The following SPTBN1 variants were observed in gnomAD, a reference collection of about 807,000 sequenced individuals.
SPTBN1 encodes the protein spectrin beta chain, non-erythrocytic 1.
In SPTBN1, 32 loss-of-function variants were observed where a neutral mutation model predicts 266.4. The ratio of observed to expected loss-of-function variants is 0.12; its 90% CI spans 0.09 to 0.16. The LOEUF is 0.16. Ranked by LOEUF, SPTBN1 falls within the 10% of genes least tolerant of loss-of-function variation. The pLI is 1.00. For synonymous variants in SPTBN1, 1,336 were observed against 1,162.2 expected (o/e 1.15, Z -3.04); for missense variants, 2,296 against 3,067.1 (o/e 0.75, Z 5.94).
At chr2:54,584,368 ATCT>A (rs1199857690) in intron 2 of SPTBN1, among the ~76,000 whole-genome samples, 1 of 152,216 alleles carries the variant, frequency 6.6e-6, no homozygotes, top group African/African-American at 2.4e-5. Flanking sequence ...CATTCTGTAC[ATCT>A]TCGTTTTCTT....
chr2:54,595,216 G>C (rs1280447336), intron 2 of SPTBN1, among the ~76,000 whole-genome samples: 1 of 152,120 alleles, frequency 6.6e-6, no homozygotes, highest in Non-Finnish European at 1.5e-5. Context: ...CAACACTCTG[G>C]GCACTTTGAT....
chr2:54,636,503 C>T (rs987317133), intron 17 of SPTBN1, among the ~76,000 whole-genome samples: 2 of 152,164 alleles, frequency 1.3e-5, no homozygotes, highest in Non-Finnish European at 2.9e-5. Context: ...GCATTGTCAG[C>T]AGCCACTGAG....
intron 30 of SPTBN1, 81 bp from the exon 31 acceptor site, chr2:54,659,073 G>A (rs1680863954): frequency 4.1e-6 from 6 of 1,463,940 alleles, no homozygotes; most frequent in Non-Finnish European, 4.8e-6. Context: ...TAGACAGGAG[G>A]ACTTCCTGGG....
At chr2:54,643,820 T>C (rs1376955544) in intron 19 of SPTBN1, among the ~76,000 whole-genome samples, 1 of 152,034 alleles carries the variant, frequency 6.6e-6, no homozygotes, top group Admixed American at 6.6e-5. Flanking sequence ...CCCATCTCTA[T>C]GAAGCATACA....
chr2:54,478,598 A>T (rs1346535471), intron 1 of SPTBN1, among the ~76,000 whole-genome samples: 1 of 152,194 alleles, frequency 6.6e-6, no homozygotes, highest in African/African-American at 2.4e-5. Flanking sequence ...TTCACACAAG[A>T]GTAAGGGCTG....
chr2:54,563,980 G>A (rs1213838491), intron 2 of SPTBN1, among the ~76,000 whole-genome samples: 2 of 152,104 alleles, frequency 1.3e-5, no homozygotes, highest in African/African-American at 2.4e-5. Context: ...CAGGTTTTCT[G>A]ACTCCAAATT....
rs977955451 is a variant in SPTBN1, at chr2:54,533,876, T to C, written c.148+7310T>C. On this transcript the variant is annotated intron_variant, in intron 2 of 35. Transcript: ENST00000356805. This position sits in a 1 kb window ranked among gnomAD's most constrained non-coding sequence, Gnocchi z 4.2. Reference sequence around the variant, plus strand: ...TGCTGTAGTAATTTAGGGGGAAAGATTGATCTCTCTCTCTGTCTCTCTCTC... The same window carrying C: ...TGCTGTAGTAATTTAGGGGGAAAGACTGATCTCTCTCTCTGTCTCTCTCTC... 2.7e-5 allele frequency among the ~76,000 whole-genome samples: 4 copies of C among 149,038 alleles called. No homozygotes were observed. The highest frequency in any genetic ancestry group is 4.4e-5 in the Non-Finnish European group (3 of 67,610).
intron 9 of SPTBN1, 129 bp from the exon 10 acceptor site, chr2:54,623,350 C>T (rs1678117032): frequency 2.6e-6 from 2 of 763,938 alleles, no homozygotes; most frequent in African/African-American, 1.8e-5. Flanking sequence ...AGCCAATAAG[C>T]AACCTACTGA....
chr2:54,477,364 C>T (rs899536341), intron 1 of SPTBN1, among the ~76,000 whole-genome samples: 7 of 150,942 alleles, frequency 4.6e-5, no homozygotes, highest in Admixed American at 4.6e-4. Context: ...AGACTAAACT[C>T]TCTAACTCCC....
intron 17 of SPTBN1, among the ~76,000 whole-genome samples, chr2:54,636,544 A>AGTT (rs1373173411): frequency 6.6e-6 from 1 of 152,112 alleles, no homozygotes; most frequent in Non-Finnish European, 1.5e-5. Flanking sequence ...CTCTACTCTA[A>AGTT]GATCTTTCTT....
chr2:54,462,633 G>C (rs1035987060), intron 1 of SPTBN1, among the ~76,000 whole-genome samples: 6 of 152,188 alleles, frequency 3.9e-5, no homozygotes, highest in African/African-American at 1.4e-4. Context: ...ATAAGAATTA[G>C]TTCCTGAATG....
intron 1 of SPTBN1, among the ~76,000 whole-genome samples, chr2:54,458,062 C>A (rs938303533): frequency 6.6e-6 from 1 of 152,224 alleles, no homozygotes; most frequent in African/African-American, 2.4e-5. Flanking sequence ...CGTCCATAAT[C>A]TGTAACCACA....
intron 2 of SPTBN1, among the ~76,000 whole-genome samples, chr2:54,543,193 C>T (rs1050238993): frequency 2.0e-5 from 3 of 152,134 alleles, no homozygotes; most frequent in African/African-American, 7.2e-5. Flanking sequence ...ACTAGCTATG[C>T]GATGGTGGGC....
chr2:54,543,876 A>G (rs1199092066), intron 2 of SPTBN1, among the ~76,000 whole-genome samples: 1 of 152,214 alleles, frequency 6.6e-6, no homozygotes, highest in African/African-American at 2.4e-5. Context: ...TGGTCAGTGT[A>G]GAACAATCCA....
intron 1 of SPTBN1, among the ~76,000 whole-genome samples, chr2:54,467,072 T>C (rs1367815559): frequency 1.3e-5 from 2 of 152,254 alleles, no homozygotes; most frequent in African/African-American, 4.8e-5. Flanking sequence ...CCTTTGGCTC[T>C]CGGTGAAGTT....
At chr2:54,637,038 G>A (rs1417980583) in intron 17 of SPTBN1, among the ~76,000 whole-genome samples, 2 of 152,224 alleles carry the variant, frequency 1.3e-5, no homozygotes, top group Non-Finnish European at 2.9e-5. Context: ...AGATGGGGAA[G>A]GAGCCAAGTA....
At position 54,554,898 on chromosome 2, in the gene SPTBN1, C is replaced by T. The variant is rs1226934131; in HGVS notation, c.148+28332C>T. The stretch of plus-strand genomic sequence containing the variant: ...TCTGATAACCCTCATTCACTAGTCT[C>T]ATCTTCATAGCTTCTTCTTCGTCCT... On this transcript the variant is annotated intron_variant, in intron 2 of 35. Coordinates refer to ENST00000356805, the MANE Select transcript of SPTBN1 (RefSeq NM_003128.3). The surrounding 1 kb of genome is among the most constrained non-coding windows in gnomAD (Gnocchi z 4.5). 6.6e-6 allele frequency among the ~76,000 whole-genome samples: 1 copy of T among 152,202 alleles called. No homozygotes were observed. The highest frequency in any genetic ancestry group is 2.4e-5 in the African/African-American group (1 of 41,452).
intron 2 of SPTBN1, among the ~76,000 whole-genome samples, chr2:54,563,146 A>G (rs13386997): frequency 0.054 from 8,157 of 152,128 alleles, 665 homozygotes; most frequent in African/African-American, 0.18. Flanking sequence ...TCATATTTAT[A>G]TATATATTTT....
At chr2:54,652,728 A>G (rs536791560) in intron 26 of SPTBN1, 4 of 152,364 alleles carry the variant, frequency 2.6e-5, no homozygotes, top group Middle Eastern at 6.8e-3. Context: ...TGACAAATAT[A>G]TCATCACACT....
Sources: gnomAD v4.1 joint callset for allele counts (sites outside exome capture counted in the v4.1 genomes callset) on GRCh38, gnomAD v4.1.1 for gene constraint, Gnocchi (gnomAD v3.1) non-coding constraint, MANE v1.5 for transcripts, NCBI Gene and HGNC (gene_info 2026-07-23, HGNC 2026-07-21) for gene names.